GRIP1: variants seen among roughly 807,000 people sequenced by gnomAD.
The protein encoded by GRIP1 is glutamate receptor interacting protein 1.
In GRIP1, 45 loss-of-function variants were observed where a neutral mutation model predicts 129.9. The observed-to-expected ratio is 0.35, with a 90% confidence interval of 0.27 to 0.44. GRIP1 has a LOEUF of 0.44. Ranked by LOEUF, GRIP1 falls within the 20% of genes least tolerant of loss-of-function variation. The pLI is 1.00. For synonymous variants in GRIP1, 530 were observed against 520.8 expected, an observed-to-expected ratio of 1.02 and a Z score of -0.24; for missense variants, 1,196 against 1,396.8, an observed-to-expected ratio of 0.86 and a Z score of 2.29.
chr12:66,403,593 GAGAA>G (rs2057085832), intron 16 of GRIP1, among the ~76,000 whole-genome samples: 1 of 152,164 alleles, frequency 6.6e-6, no homozygotes, highest in African/African-American at 2.4e-5. Flanking sequence ...ATATCAATAT[GAGAA>G]AATCTGGTTT....
intron 8 of GRIP1, among the ~76,000 whole-genome samples, chr12:66,464,534 A>G (rs1186505275): frequency 1.3e-5 from 2 of 152,228 alleles, no homozygotes; most frequent in African/African-American, 4.8e-5. Context: ...ATTTTATGGT[A>G]GCAGGATTTA....
chr12:66,740,546 A>C (rs2036756856), intron 1 of GRIP1, among the ~76,000 whole-genome samples: 1 of 152,238 alleles, frequency 6.6e-6, no homozygotes, highest in Admixed American at 6.5e-5. Context: ...CTTTTAACTC[A>C]TTAAAGATGT....
chr12:66,946,396 G>C (rs1265318654), intron 1 of GRIP1, among the ~76,000 whole-genome samples: 1 of 151,886 alleles, frequency 6.6e-6, no homozygotes, highest in Non-Finnish European at 1.5e-5. Context: ...TAGCAGTTGT[G>C]GTTCTAAATA....
intron 1 of GRIP1, among the ~76,000 whole-genome samples, chr12:66,700,487 A>G (rs2035313920): frequency 6.7e-6 from 1 of 148,370 alleles, no homozygotes; most frequent in African/African-American, 2.5e-5. Context: ...CCCAGGCTGG[A>G]GTGCAGTGGC....
At chr12:66,960,586 T>G (rs1232272287) in intron 1 of GRIP1, among the ~76,000 whole-genome samples, 1 of 152,136 alleles carries the variant, frequency 6.6e-6, no homozygotes, top group Non-Finnish European at 1.5e-5. Flanking sequence ...CATAATTAAT[T>G]CAAAGATTGT....
chr12:66,668,335 T>A (rs2033904035), intron 1 of GRIP1, among the ~76,000 whole-genome samples: 1 of 152,226 alleles, frequency 6.6e-6, no homozygotes, highest in Non-Finnish European at 1.5e-5. Flanking sequence ...TTGATCTGTA[T>A]GAGGTCACCT....
chr12:66,707,503 TAAAA>T (rs58564255), intron 1 of GRIP1, among the ~76,000 whole-genome samples: 1 of 64,040 alleles, frequency 1.6e-5, no homozygotes. Context: ...AATCACTGAC[TAAAA>T]AAAAAAAAAA....
intron 1 of GRIP1, among the ~76,000 whole-genome samples, chr12:66,916,189 T>C (rs527525910): frequency 2.0e-4 from 30 of 152,162 alleles, no homozygotes; most frequent in Non-Finnish European, 4.0e-4. Flanking sequence ...AGTATGTTTT[T>C]AAAAAAAGTT....
intron 19 of GRIP1, among the ~76,000 whole-genome samples, chr12:66,389,637 C>T (rs539735412): frequency 3.9e-5 from 6 of 152,224 alleles, no homozygotes; most frequent in Admixed American, 1.3e-4. Flanking sequence ...TTTGAGATCT[C>T]GGTAAACTGT....
At chr12:66,455,263 T>C in intron 11 of GRIP1, 146 bp downstream of exon 11, 2 of 783,800 alleles carry the variant, frequency 2.6e-6, no homozygotes, top group South Asian at 2.9e-5. Context: ...GTCAACGGTC[T>C]TTGGCACAGA....
chr12:66,860,995 G>T (rs2040102045), intron 1 of GRIP1, among the ~76,000 whole-genome samples: 1 of 151,882 alleles, frequency 6.6e-6, no homozygotes, highest in South Asian at 2.1e-4. Context: ...AAAAGGGGAG[G>T]GCTACCCAGG....
intron 1 of GRIP1, among the ~76,000 whole-genome samples, chr12:66,977,141 GA>G (rs2042164142): frequency 6.6e-6 from 1 of 150,904 alleles, no homozygotes; most frequent in Non-Finnish European, 1.5e-5. Flanking sequence ...GTGTAATTAT[GA>G]AAGTATATAT....
chr12:66,501,025 T>G (rs1398295252), intron 7 of GRIP1, among the ~76,000 whole-genome samples: 1 of 152,182 alleles, frequency 6.6e-6, no homozygotes, highest in East Asian at 1.9e-4. Context: ...CAGGGCAGTT[T>G]CTATCACGGT....
At chr12:66,882,740 T>C (rs144421406) in intron 1 of GRIP1, among the ~76,000 whole-genome samples, 66 of 152,338 alleles carry the variant, frequency 4.3e-4, no homozygotes, top group African/African-American at 1.5e-3. Flanking sequence ...AACATTCTGC[T>C]TATTTCATAT....
intron 1 of GRIP1, among the ~76,000 whole-genome samples, chr12:67,024,058 C>T (rs564535380): frequency 1.3e-5 from 2 of 152,230 alleles, no homozygotes; most frequent in South Asian, 4.1e-4. Context: ...ATTCTCAGGT[C>T]CCTGCAGCAA....
At chr12:66,808,900 A>C (rs1435499793), upstream of GRIP1, among the ~76,000 whole-genome samples, 2 of 152,198 alleles carry the variant, frequency 1.3e-5, no homozygotes, top group Non-Finnish European at 2.9e-5. Context: ...CCAGTCTCAA[A>C]ACACTAATTA....
chr12:66,590,156 T>C lies in GRIP1; in HGVS notation c.136+6691A>G, dbSNP rs576378517. ...TACCACATGTACCTGGAGCACAACA[T>C]TGACCAAGTGCCACCTCTCCTGTGA... On this transcript the variant is annotated intron_variant, in intron 2 of 24. Transcript: ENST00000359742. 1.7e-4 allele frequency among the ~76,000 whole-genome samples: 26 copies of C among 152,248 alleles called. No homozygotes were observed. The East Asian group carries it at 3.3e-3, about 19-fold the overall frequency.
At chr12:66,870,061 A>G (rs1262021391) in intron 1 of GRIP1, among the ~76,000 whole-genome samples, 1 of 152,102 alleles carries the variant, frequency 6.6e-6, no homozygotes, top group East Asian at 1.9e-4. Context: ...CACCTTCCCC[A>G]TTGTGACAAC....
At chr12:67,014,465 C>T (rs1041976142) in intron 1 of GRIP1, among the ~76,000 whole-genome samples, 1 of 152,030 alleles carries the variant, frequency 6.6e-6, no homozygotes, top group Non-Finnish European at 1.5e-5. Flanking sequence ...TAAAAGGAGA[C>T]AAAAATTCAG....
Sources: gnomAD v4.1 joint callset for allele counts (sites outside exome capture counted in the v4.1 genomes callset) on GRCh38, gnomAD v4.1.1 for gene constraint, MANE v1.5 for transcripts, NCBI Gene and HGNC (gene_info 2026-07-23, HGNC 2026-07-21) for gene names.